The following GPATCH2 variants were observed in gnomAD, a reference collection of about 807,000 sequenced individuals.
The protein encoded by GPATCH2 is G patch domain-containing protein 2.
A neutral mutation model predicts 58.0 loss-of-function variants in GPATCH2; 51 were observed. The observed-to-expected ratio is 0.88, with a 90% confidence interval of 0.70 to 1.11. The LOEUF (loss-of-function observed/expected upper bound fraction) is 1.11, where lower values mean the gene tolerates loss of function less well. Ranked by LOEUF, GPATCH2 falls within the 50% of genes most tolerant of loss-of-function variation. The pLI is 0.00. For missense variants in GPATCH2, 625 were observed against 652.2 expected (o/e 0.96, Z 0.45); for synonymous variants, 222 against 218.5 (o/e 1.02, Z -0.14).
chr1:217,491,295 G>A (rs1481832454), intron 8 of GPATCH2, among the ~76,000 whole-genome samples: 1 of 152,034 alleles, frequency 6.6e-6, no homozygotes, highest in Non-Finnish European at 1.5e-5. Context: ...TTTCTTCCCA[G>A]TCTTTACTCA....
chr1:217,546,156 C>A (rs1665038775), intron 5 of GPATCH2, among the ~76,000 whole-genome samples: 1 of 152,024 alleles, frequency 6.6e-6, no homozygotes, highest in African/African-American at 2.4e-5. Flanking sequence ...ATGGCACAAG[C>A]AAATAGAAAA....
intron 8 of GPATCH2, among the ~76,000 whole-genome samples, chr1:217,490,937 T>A (rs1661698335): frequency 6.6e-6 from 1 of 152,198 alleles, no homozygotes; most frequent in East Asian, 1.9e-4. Flanking sequence ...TTAGTCTGCA[T>A]GACATGGCAC....
rs748853630 is a variant in GPATCH2, at chr1:217,630,957, G to A, written c.15C>T (p.Ala5=). 3.8e-6 allele frequency: 6 copies of A among 1,588,146 alleles called. No homozygotes were observed. The highest frequency in any genetic ancestry group is 1.3e-5 in the African/African-American group (1 of 74,498). The change falls in exon 1 of 10, where the codon GCC becomes GCT. Residue 5 remains alanine, a synonymous_variant. Transcript: ENST00000366935. ...CTGGAGCTCCGATCGGTTGGCGCCC[G>A]GCGGCCCCGAACATTAACGACACCC... The part of the protein sequence containing the change: MFGA[A]GRQPIGAPAA...
intron 6 of GPATCH2, among the ~76,000 whole-genome samples, chr1:217,501,767 T>G (rs902597655): frequency 1.3e-5 from 2 of 152,256 alleles, no homozygotes; most frequent in Non-Finnish European, 2.9e-5. Context: ...TTCATGTTTT[T>G]TGTCCATTTT....
At chr1:217,464,005 ACAT>A (rs1419501068) in intron 8 of GPATCH2, among the ~76,000 whole-genome samples, 2 of 152,268 alleles carry the variant, frequency 1.3e-5, no homozygotes, top group East Asian at 1.9e-4. Flanking sequence ...ACTGCATGAA[ACAT>A]CATTTTTTTT....
chr1:217,463,829 A>AAC (rs911376001), intron 8 of GPATCH2, among the ~76,000 whole-genome samples: 3 of 152,044 alleles, frequency 2.0e-5, no homozygotes, highest in Admixed American at 2.0e-4. Context: ...GGATAAAGAG[A>AAC]ACAAGGGTGA....
intron 5 of GPATCH2, among the ~76,000 whole-genome samples, chr1:217,604,846 C>T (rs921239671): frequency 6.6e-5 from 10 of 151,910 alleles, no homozygotes; most frequent in East Asian, 1.9e-4. Flanking sequence ...GCCAACATGG[C>T]GAAATCCTGG....
In GPATCH2 at chr1:217,429,864, T is replaced by C. The variant is rs1325426390; in HGVS notation, c.*1281A>G. On this transcript the variant is annotated 3_prime_UTR_variant, in exon 10 of 10. Transcript: ENST00000366935. Reference sequence around the variant, plus strand: ...AAAAAAAAGAAACAAAAAAACTCTTTTGGAAAGTGACAAGATTTTAAAAAC... The same window carrying C: ...AAAAAAAAGAAACAAAAAAACTCTTCTGGAAAGTGACAAGATTTTAAAAAC... 6.6e-6 allele frequency: 1 copy of C among 151,322 alleles called. No individual in the cohort carries two copies. The highest frequency in any genetic ancestry group is 1.5e-5 in the Non-Finnish European group (1 of 67,878). 9.4% of individuals were successfully genotyped at this position (151,322 alleles called of 1,614,324 possible).
chr1:217,549,677 T>G (rs1194129164), intron 5 of GPATCH2, among the ~76,000 whole-genome samples: 1 of 152,210 alleles, frequency 6.6e-6, no homozygotes, highest in Admixed American at 6.5e-5. Context: ...TGGTAAGATA[T>G]ATCTACTAAG....
At chr1:217,599,855 TTTA>T (rs1223658951) in intron 5 of GPATCH2, among the ~76,000 whole-genome samples, 7 of 152,180 alleles carry the variant, frequency 4.6e-5, no homozygotes, top group Admixed American at 2.6e-4. Flanking sequence ...ATTAGAAGAA[TTTA>T]TTAAGGATAT....
intron 5 of GPATCH2, among the ~76,000 whole-genome samples, chr1:217,525,496 C>T (rs543597560): frequency 6.6e-6 from 1 of 152,160 alleles, no homozygotes; most frequent in South Asian, 2.1e-4. Context: ...TGTTTAAAGT[C>T]TTCATTCCCA....
At chr1:217,471,130 C>T (rs1225639552) in intron 8 of GPATCH2, among the ~76,000 whole-genome samples, 4 of 151,708 alleles carry the variant, frequency 2.6e-5, no homozygotes, top group Non-Finnish European at 5.9e-5. Context: ...TATAAAATGT[C>T]GAGTGATAGA....
chr1:217,583,586 A>G, intron 5 of GPATCH2, among the ~76,000 whole-genome samples: 1 of 151,576 alleles, frequency 6.6e-6, no homozygotes, highest in Middle Eastern at 3.4e-3. Flanking sequence ...AAAAAAAAAA[A>G]AAAAAGATAG....
intron 2 of GPATCH2, among the ~76,000 whole-genome samples, chr1:217,617,535 C>A (rs562227414): frequency 4.6e-5 from 7 of 152,168 alleles, no homozygotes; most frequent in African/African-American, 1.7e-4. Context: ...AAATCTGACA[C>A]ACACACACAG....
At chr1:217,610,667 C>A (rs1224847292) in intron 4 of GPATCH2, among the ~76,000 whole-genome samples, 1 of 152,170 alleles carries the variant, frequency 6.6e-6, no homozygotes, top group Non-Finnish European at 1.5e-5. Flanking sequence ...ACATTCTTAT[C>A]ATTTCAACAT....
rs182736607 is a variant in GPATCH2, at chr1:217,491,110, C to G, written c.1277+570G>C. Reference sequence around the variant, plus strand: ...GCAGTTTTTCTAATCAACATTCTGACAAGAAGGGTAGCCATTTTCATCTAA... The same window carrying G: ...GCAGTTTTTCTAATCAACATTCTGAGAAGAAGGGTAGCCATTTTCATCTAA... On this transcript the variant is annotated intron_variant, in intron 8 of 9. Coordinates refer to ENST00000366935, the MANE Select transcript of GPATCH2 (RefSeq NM_018040.5). Among the ~76,000 whole-genome samples, 840 of 152,236 alleles carry G rather than the reference C, an allele frequency of 5.5e-3. 8 individuals are homozygous for G. The highest frequency in any genetic ancestry group is 0.019 in the African/African-American group (801 of 41,522).
rs1232402039 is a variant in GPATCH2, at chr1:217,573,569, A to C, written c.1098+36752T>G. Among the ~76,000 whole-genome samples, 3 of 152,214 alleles carry C rather than the reference A, an allele frequency of 2.0e-5. No homozygotes were observed. The East Asian group carries it at 5.8e-4, about 29-fold the overall frequency. On this transcript the variant is annotated intron_variant, in intron 5 of 9. Coordinates refer to ENST00000366935, the MANE Select transcript of GPATCH2 (RefSeq NM_018040.5). Reference sequence around the variant, plus strand: ...AAAATGTGATTTTATTAAATTCAACAAACATGAACTTTGGAGGGGCTGAAG... The same window carrying C: ...AAAATGTGATTTTATTAAATTCAACCAACATGAACTTTGGAGGGGCTGAAG...
At chr1:217,506,013 G>C (rs1200894856) in intron 6 of GPATCH2, among the ~76,000 whole-genome samples, 2 of 152,126 alleles carry the variant, frequency 1.3e-5, no homozygotes, top group African/African-American at 2.4e-5. Context: ...TAGAGACAAG[G>C]TTTCACCATG....
intron 9 of GPATCH2, among the ~76,000 whole-genome samples, chr1:217,447,543 A>T (rs1156276324): frequency 6.6e-6 from 1 of 152,194 alleles, no homozygotes; most frequent in Non-Finnish European, 1.5e-5. Flanking sequence ...GTTGTTATAA[A>T]GATAAAATAA....
Sources: gnomAD v4.1 joint callset for allele counts (sites outside exome capture counted in the v4.1 genomes callset) on GRCh38, gnomAD v4.1.1 for gene constraint, MANE v1.5 for transcripts, NCBI Gene and HGNC (gene_info 2026-07-23, HGNC 2026-07-21) for gene names.